ANKRD36C: variants seen among roughly 807,000 people sequenced by gnomAD.
ANKRD36C encodes ankyrin repeat domain-containing protein 36C.
A neutral mutation model predicts 276.4 loss-of-function variants in ANKRD36C; 61 were observed. That is an observed-to-expected ratio of 0.22 (90% CI 0.18 to 0.27). The LOEUF is 0.27. ANKRD36C is among the 10% of genes least tolerant of loss of function. ANKRD36C has a pLI of 1.00. For missense variants in ANKRD36C, 1,447 were observed against 2,032.3 expected (o/e 0.71, Z 5.54); for synonymous variants, 483 against 680.1 (o/e 0.71, Z 4.51).
intron 22 of ANKRD36C, among the ~76,000 whole-genome samples, chr2:95,938,059 T>C (rs1193315253): frequency 2.0e-5 from 3 of 152,182 alleles, no homozygotes; most frequent in Admixed American, 6.5e-5. Context: ...AAAGCCGAGT[T>C]GCAGCTATTA....
At chr2:95,861,050 C>T (rs1370313915) in intron 60 of ANKRD36C, among the ~76,000 whole-genome samples, 1 of 152,160 alleles carries the variant, frequency 6.6e-6, no homozygotes, top group African/African-American at 2.4e-5. Flanking sequence ...ATACCACATA[C>T]TTCACAGGAC....
chr2:95,988,258 AT>A (rs1679073651), intron 1 of ANKRD36C, among the ~76,000 whole-genome samples: 1 of 152,042 alleles, frequency 6.6e-6, no homozygotes, highest in African/African-American at 2.4e-5. Context: ...GGTATGGCTC[AT>A]TTTTTTCAAT....
Position 95,908,451 on chromosome 2 carries a change from T to C in ANKRD36C, c.2653+3793A>G, listed in dbSNP as rs1676810061. The C allele has an allele frequency of 4.3e-6, 6 of 1,404,970 alleles. No individual in the cohort carries two copies. In the Admixed American group the frequency reaches 1.2e-4, roughly 28 times the overall value. 87.0% of individuals were successfully genotyped at this position (1,404,970 alleles called of 1,614,324 possible). ...CCGCTGATTTATTCACGGAAGAGAA[T>C]TTCTTATCTATCTGGACTGAACATG... On this transcript the variant is annotated intron_variant, in intron 42 of 66. Transcript: ENST00000456556.
At chr2:95,944,353 C>T (rs201310598) in intron 19 of ANKRD36C, among the ~76,000 whole-genome samples, 1 of 151,844 alleles carries the variant, frequency 6.6e-6, no homozygotes, top group South Asian at 2.1e-4. Context: ...TTTACTCCCA[C>T]AACCTTTTAG....
intron 17 of ANKRD36C, among the ~76,000 whole-genome samples, chr2:95,947,389 C>G (rs1339782187): frequency 6.6e-6 from 1 of 152,062 alleles, no homozygotes; most frequent in Non-Finnish European, 1.5e-5. Flanking sequence ...AAAAAAAGCC[C>G]ATTTCCCTGT....
chr2:95,927,457 A>AT, intron 26 of ANKRD36C, 48 bp from the exon 27 acceptor site: 1 of 1,603,170 alleles, frequency 6.2e-7, no homozygotes, highest in South Asian at 1.1e-5. Context: ...CATATGATAA[A>AT]TTTATCCATA....
chr2:95,866,144 A>C (rs1354046087), intron 60 of ANKRD36C, among the ~76,000 whole-genome samples: 1 of 151,880 alleles, frequency 6.6e-6, no homozygotes, highest in Admixed American at 6.6e-5. Context: ...GGAAACTCAA[A>C]ATGGAGCACA....
At position 95,920,390 on chromosome 2, in the gene ANKRD36C, G is replaced by A. The variant is rs113036120; in HGVS notation, c.2245+1217C>T. On this transcript the variant is annotated intron_variant, in intron 34 of 66. Coordinates refer to ENST00000456556, the Ensembl canonical transcript of ANKRD36C. Reference sequence around the variant, plus strand: ...ACTGAGAAGGCACACAGTTACCATGGCACTTCAGTTGAATGTACACTTCAC... The same window carrying A: ...ACTGAGAAGGCACACAGTTACCATGACACTTCAGTTGAATGTACACTTCAC... Among the ~76,000 whole-genome samples, 19 of 132,106 alleles carry A rather than the reference G, an allele frequency of 1.4e-4. 4 individuals are homozygous for A. Among genetic ancestry groups the A allele is most frequent in the South Asian group, 1.2e-3 (5 of 4,252 alleles). 86.7% of individuals were successfully genotyped at this position (132,106 alleles called of 152,430 possible).
chr2:95,944,620 C>T lies in ANKRD36C; in HGVS notation c.1491+7G>A. ...CTATGTTGGCTTTTAACCACATCTT[C>T]ATTTACCTTATCAACATTTTGGTCT... is the stretch of plus-strand genomic sequence containing the variant. On this transcript the variant is annotated splice_region_variant and intron_variant, in intron 19 of 66. Coordinates refer to ENST00000456556, the Ensembl canonical transcript of ANKRD36C. The T allele has an allele frequency of 6.5e-7, 1 of 1,537,102 alleles. No homozygotes were observed. Among genetic ancestry groups the T allele is most frequent in the Non-Finnish European group, 8.7e-7 (1 of 1,146,720 alleles).
intron 59 of ANKRD36C, among the ~76,000 whole-genome samples, chr2:95,871,078 T>G (rs575262478): frequency 1.3e-5 from 2 of 152,304 alleles, no homozygotes; most frequent in African/African-American, 2.4e-5. Context: ...TGGAACCAAG[T>G]TGGAAAACAC....
intron 42 of ANKRD36C, among the ~76,000 whole-genome samples, chr2:95,908,014 T>G (rs1676793063): frequency 6.6e-6 from 1 of 150,780 alleles, no homozygotes; most frequent in South Asian, 2.1e-4. Flanking sequence ...TATAAATGAC[T>G]TCCTCTTTTC....
intron 28 of ANKRD36C, among the ~76,000 whole-genome samples, chr2:95,926,838 A>G (rs1420064964): frequency 2.6e-5 from 4 of 151,570 alleles, no homozygotes; most frequent in Admixed American, 6.6e-5. Context: ...ATGGGCTATT[A>G]CCATAATTTC....
intron 28 of ANKRD36C, 77 bp downstream of exon 28, chr2:95,927,137 C>A: frequency 3.2e-6 from 5 of 1,572,628 alleles, no homozygotes; most frequent in Non-Finnish European, 4.3e-6. Flanking sequence ...ATGAATCCCC[C>A]GCTGATTTAT....
At chr2:95,875,708 A>C (rs934415909) in intron 59 of ANKRD36C, among the ~76,000 whole-genome samples, 6 of 152,148 alleles carry the variant, frequency 3.9e-5, no homozygotes, top group Admixed American at 6.5e-5. Context: ...AGAAAAGCAA[A>C]TTCTTACATT....
At chr2:95,990,474 C>T (rs1459634000) in intron 1 of ANKRD36C, among the ~76,000 whole-genome samples, 4 of 152,130 alleles carry the variant, frequency 2.6e-5, no homozygotes, top group Non-Finnish European at 4.4e-5. Context: ...TAGTAAATAA[C>T]TTGTGGAAAT....
At chr2:95,921,492 C>G in intron 34 of ANKRD36C, 115 bp downstream of exon 34, 2 of 1,394,574 alleles carry the variant, frequency 1.4e-6, no homozygotes, top group East Asian at 5.0e-5. Flanking sequence ...CCTACTGAAT[C>G]AGAATGTGCA....
At chr2:95,984,453 T>A (rs1678988659) in intron 3 of ANKRD36C, among the ~76,000 whole-genome samples, 1 of 152,248 alleles carries the variant, frequency 6.6e-6, no homozygotes, top group Non-Finnish European at 1.5e-5. Context: ...AGAGGCAAAC[T>A]AAACACATCT....
At chr2:95,866,845 C>T (rs1189175054) in intron 60 of ANKRD36C, among the ~76,000 whole-genome samples, 2 of 151,996 alleles carry the variant, frequency 1.3e-5, no homozygotes, top group Admixed American at 6.6e-5. Context: ...TCAAATGGTA[C>T]CTTTTACATG....
intron 6 of ANKRD36C, among the ~76,000 whole-genome samples, chr2:95,963,341 C>T (rs1158265780): frequency 1.3e-5 from 2 of 152,032 alleles, no homozygotes; most frequent in Admixed American, 6.6e-5. Flanking sequence ...CTCCAATATT[C>T]ATTGAAAATA....
Sources: gnomAD v4.1 joint callset for allele counts (sites outside exome capture counted in the v4.1 genomes callset) on GRCh38, gnomAD v4.1.1 for gene constraint, MANE v1.5 for transcripts, NCBI Gene and HGNC (gene_info 2026-07-23, HGNC 2026-07-21) for gene names.